The following KIAA0825 variants were observed in gnomAD, a reference collection of about 807,000 sequenced individuals.
KIAA0825 encodes the protein uncharacterized protein KIAA0825.
KIAA0825 carries 119 observed loss-of-function variants against 147.6 expected under a neutral mutation model. The ratio of observed to expected loss-of-function variants is 0.81; its 90% CI spans 0.69 to 0.94. The LOEUF is 0.94. Ranked by LOEUF, KIAA0825 falls within the 40% of genes least tolerant of loss-of-function variation. KIAA0825 has a pLI of 0.00. For synonymous variants in KIAA0825, 470 were observed against 518.1 expected (o/e 0.91, Z 1.26); for missense variants, 1,381 against 1,472.7 (o/e 0.94, Z 1.02).
At chr5:94,194,488 G>A (rs1028361816) in intron 20 of KIAA0825, among the ~76,000 whole-genome samples, 2 of 152,118 alleles carry the variant, frequency 1.3e-5, no homozygotes, top group African/African-American at 2.4e-5. Context: ...TATGTGAGGT[G>A]TATTCACTCA....
In KIAA0825 at chr5:94,593,432, C is replaced by G. The variant is rs931389502; in HGVS notation, c.-152-10849G>C. 3 of 754,672 alleles carry G rather than the reference C, an allele frequency of 4.0e-6. No homozygotes were observed. In the African/African-American group the frequency reaches 5.2e-5, roughly 13 times the overall value. The allele number at this position is 754,672 out of a possible 1,614,324, so 46.7% of individuals were successfully genotyped here. A position where few individuals can be genotyped will look rare whatever the true frequency, so the allele number is the denominator to read the frequency against. ...AACAAAACGGAACTTGTTTTTGACA[C>G]CACAGATTCTTCTGAGGTCAACGTT... On this transcript the variant is annotated intron_variant, in intron 1 of 20. Coordinates refer to ENST00000682413, the MANE Select transcript of KIAA0825 (RefSeq NM_001145678.3).
intron 20 of KIAA0825, among the ~76,000 whole-genome samples, chr5:94,253,061 G>A (rs1776052145): frequency 6.6e-6 from 1 of 152,102 alleles, no homozygotes; most frequent in South Asian, 2.1e-4. Flanking sequence ...TTAAAAGCTT[G>A]TATTCATCTG....
intron 20 of KIAA0825, among the ~76,000 whole-genome samples, chr5:94,165,362 T>C (rs1356572587): frequency 1.3e-5 from 2 of 152,146 alleles, no homozygotes. Flanking sequence ...CAATAACAAA[T>C]GCTGGCGAGG....
chr5:94,478,451 T>TCACACACACACACACACACACACA (rs6149119), intron 6 of KIAA0825, among the ~76,000 whole-genome samples: 3 of 146,146 alleles, frequency 2.1e-5, no homozygotes, highest in African/African-American at 5.1e-5. Flanking sequence ...CACATGTGCA[T>TCACACACACACACACACACACACA]CACACACACA....
At chr5:94,258,807 A>T (rs1017787928) in intron 20 of KIAA0825, among the ~76,000 whole-genome samples, 192 of 152,076 alleles carry the variant, frequency 1.3e-3, no homozygotes, top group African/African-American at 4.1e-3. Flanking sequence ...AGACAGGATG[A>T]TCTAATTCCA....
intron 20 of KIAA0825, among the ~76,000 whole-genome samples, chr5:94,371,426 G>A (rs1335699869): frequency 6.6e-6 from 1 of 152,168 alleles, no homozygotes; most frequent in Non-Finnish European, 1.5e-5. Flanking sequence ...AAGGAAAGAG[G>A]CTTAATTGAC....
At chr5:94,364,421 G>A (rs796977688) in intron 20 of KIAA0825, among the ~76,000 whole-genome samples, 3 of 151,434 alleles carry the variant, frequency 2.0e-5, no homozygotes, top group African/African-American at 4.9e-5. Flanking sequence ...TTGCTCTGTC[G>A]CCCAGGCTGG....
intron 5 of KIAA0825, among the ~76,000 whole-genome samples, chr5:94,490,810 C>T (rs1226478834): frequency 6.6e-6 from 1 of 152,044 alleles, no homozygotes; most frequent in Non-Finnish European, 1.5e-5. Flanking sequence ...GTTAGTTATA[C>T]GTAGTTCAAG....
intron 20 of KIAA0825, among the ~76,000 whole-genome samples, chr5:94,156,850 C>A (rs1767073743): frequency 6.6e-6 from 1 of 152,024 alleles, no homozygotes; most frequent in Non-Finnish European, 1.5e-5. Flanking sequence ...TGAATGAAAG[C>A]ATTAGAGATT....
rs1302529033 is a variant in KIAA0825, at chr5:94,211,805, A to G, written c.3711-57681T>C. Reference sequence around the variant, plus strand: ...GATCCAAGTGAACATTCTTCATTTTATTTAACTCCAGGATCATCATATTTT... The same window carrying G: ...GATCCAAGTGAACATTCTTCATTTTGTTTAACTCCAGGATCATCATATTTT... On this transcript the variant is annotated intron_variant, in intron 20 of 20. Transcript: ENST00000682413. Among the ~76,000 whole-genome samples the G allele has an allele frequency of 2.0e-5, 3 of 152,204 alleles. No individual in the cohort carries two copies. The East Asian group carries it at 5.8e-4, about 29-fold the overall frequency.
At chr5:94,549,216 T>G (rs1775047514) in intron 2 of KIAA0825, among the ~76,000 whole-genome samples, 1 of 152,022 alleles carries the variant, frequency 6.6e-6, no homozygotes, top group Admixed American at 6.5e-5. Flanking sequence ...GCTTAAAAGA[T>G]TCAAAAAAAT....
At chr5:94,543,487 C>T (rs1053205792) in intron 2 of KIAA0825, among the ~76,000 whole-genome samples, 1 of 152,008 alleles carries the variant, frequency 6.6e-6, no homozygotes, top group African/African-American at 2.4e-5. Flanking sequence ...ATAAAAAAGG[C>T]TTGAGATTCC....
chr5:94,255,425 C>T lies in KIAA0825; in HGVS notation c.3711-101301G>A, dbSNP rs867160554. Among the ~76,000 whole-genome samples the T allele has an allele frequency of 7.2e-5, 11 of 151,964 alleles. No individual in the cohort carries two copies. In the South Asian group the frequency reaches 2.3e-3, roughly 32 times the overall value. On this transcript the variant is annotated intron_variant, in intron 20 of 20. Transcript: ENST00000682413. ...TTCGATGAGGAAAATGCCTAACCAG[C>T]AGTGTAGGAGAGGCAGCTTGGCATA...
chr5:94,604,331 C>G (rs1787077926), intron 1 of KIAA0825, among the ~76,000 whole-genome samples: 1 of 152,176 alleles, frequency 6.6e-6, no homozygotes, highest in Non-Finnish European at 1.5e-5. Flanking sequence ...ATGGGTGGAT[C>G]TCCTGAGGTC....
chr5:94,536,968 C>T (rs1333913106), intron 3 of KIAA0825, 28 bp downstream of exon 3: 5 of 1,513,904 alleles, frequency 3.3e-6, no homozygotes, highest in Non-Finnish European at 4.5e-6. Flanking sequence ...GTGAAAACAA[C>T]TTGTTTTAAA....
At chr5:94,396,625 G>A (rs1227351701) in intron 16 of KIAA0825, 116 bp from the exon 17 acceptor site, 5 of 769,182 alleles carry the variant, frequency 6.5e-6, no homozygotes, top group Non-Finnish European at 9.7e-6. Flanking sequence ...AGAAGATCAA[G>A]TGCCTGACAT....
At chr5:94,592,857 A>G (rs1325618772) in intron 1 of KIAA0825, 7 of 580,200 alleles carry the variant, frequency 1.2e-5, no homozygotes, top group Non-Finnish European at 2.0e-5. Flanking sequence ...CTGTGTTTCA[A>G]TTTCGACTCA....
At chr5:94,405,159 G>T (rs533136320) in intron 15 of KIAA0825, among the ~76,000 whole-genome samples, 1 of 152,236 alleles carries the variant, frequency 6.6e-6, no homozygotes, top group South Asian at 2.1e-4. Flanking sequence ...ACCAGTTTTT[G>T]TATGTTCACT....
rs549845243 is a variant in KIAA0825, at chr5:94,262,927, C to T, written c.3711-108803G>A. On this transcript the variant is annotated intron_variant, in intron 20 of 20. Coordinates refer to ENST00000682413, the MANE Select transcript of KIAA0825 (RefSeq NM_001145678.3). ...AGGGAGACACAGTCTTCTCTACCTC[C>T]GCACCCTAGGCCTACTCCATTTCAG... is the stretch of plus-strand genomic sequence containing the variant. Among the ~76,000 whole-genome samples, 14 of 152,192 alleles carry T rather than the reference C, an allele frequency of 9.2e-5. No individual in the cohort carries two copies. In the East Asian group the frequency reaches 9.7e-4, roughly 11 times the overall value.
Sources: gnomAD v4.1 joint callset for allele counts (sites outside exome capture counted in the v4.1 genomes callset) on GRCh38, gnomAD v4.1.1 for gene constraint, MANE v1.5 for transcripts, NCBI Gene and HGNC (gene_info 2026-07-23, HGNC 2026-07-21) for gene names.